Variants in UTRN observed in about 807,000 individuals in gnomAD.
The protein encoded by UTRN is utrophin.
In UTRN, 283 loss-of-function variants were observed where a neutral mutation model predicts 463.9. That is an observed-to-expected ratio of 0.61 (90% CI 0.55 to 0.67). UTRN has a LOEUF of 0.67. Ranked by LOEUF, UTRN falls within the 30% of genes least tolerant of loss-of-function variation. The pLI, the probability that UTRN is intolerant of heterozygous loss-of-function variation, is 0.00. For synonymous variants in UTRN, 1,442 were observed against 1,431.5 expected, an observed-to-expected ratio of 1.01 and a Z score of -0.17; for missense variants, 3,922 against 4,084.3, an observed-to-expected ratio of 0.96 and a Z score of 1.08.
chr6:144,790,026 G>A (rs1776628683), intron 62 of UTRN, among the ~76,000 whole-genome samples: 1 of 152,156 alleles, frequency 6.6e-6, no homozygotes, highest in Admixed American at 6.5e-5. Flanking sequence ...AGAGGTAATA[G>A]TATTCCAATT....
At chr6:144,325,256 T>A (rs1196937539) in intron 2 of UTRN, among the ~76,000 whole-genome samples, 1 of 152,160 alleles carries the variant, frequency 6.6e-6, no homozygotes, top group African/African-American at 2.4e-5. Context: ...AAATAGGTGA[T>A]TAGGTCATGA....
intron 54 of UTRN, among the ~76,000 whole-genome samples, chr6:144,735,097 T>C (rs1789225613): frequency 6.6e-6 from 1 of 152,348 alleles, no homozygotes; most frequent in Admixed American, 6.5e-5. Flanking sequence ...GTATAACGCA[T>C]GTTCCTGAGG....
At chr6:144,473,684 G>T (rs763255840) in intron 23 of UTRN, 36 bp from the exon 24 acceptor site, 3 of 1,574,648 alleles carry the variant, frequency 1.9e-6, no homozygotes, top group East Asian at 2.2e-5. Flanking sequence ...TGAACGTCAC[G>T]AAGTAATATC....
intron 58 of UTRN, among the ~76,000 whole-genome samples, chr6:144,762,288 T>C (rs1384702053): frequency 6.6e-6 from 1 of 152,128 alleles, no homozygotes; most frequent in African/African-American, 2.4e-5. Flanking sequence ...CTGGCCCCAA[T>C]ATTAGTTGAG....
chr6:144,532,117 A>G (rs923225015), intron 42 of UTRN, among the ~76,000 whole-genome samples: 2 of 152,108 alleles, frequency 1.3e-5, no homozygotes, highest in Non-Finnish European at 2.9e-5. Context: ...AGCCTGGGTG[A>G]CAGAGCAATA....
intron 34 of UTRN, among the ~76,000 whole-genome samples, chr6:144,508,885 A>G (rs556049778): frequency 1.3e-5 from 2 of 152,046 alleles, no homozygotes; most frequent in South Asian, 4.2e-4. Context: ...ATATATTCTT[A>G]TTTTCCTGTT....
chr6:144,461,072 C>T, intron 21 of UTRN, 125 bp from the exon 22 acceptor site: 1 of 700,670 alleles, frequency 1.4e-6, no homozygotes, highest in Non-Finnish European at 2.1e-6. Flanking sequence ...TTAACAGAGA[C>T]CCTTTTACAT....
chr6:144,657,416 C>T (rs1779433449), intron 51 of UTRN, among the ~76,000 whole-genome samples: 1 of 152,116 alleles, frequency 6.6e-6, no homozygotes, highest in African/African-American at 2.4e-5. Context: ...ACAAAGGCAA[C>T]AGTTTCTGGA....
At chr6:144,584,682 T>C (rs1187914146) in intron 51 of UTRN, among the ~76,000 whole-genome samples, 2 of 152,096 alleles carry the variant, frequency 1.3e-5, no homozygotes, top group Non-Finnish European at 2.9e-5. Context: ...GAAACTTTTT[T>C]TTTTTCCGGA....
At chr6:144,708,475 TC>T in intron 53 of UTRN, 1 of 568,608 alleles carries the variant, frequency 1.8e-6, no homozygotes, top group Non-Finnish European at 3.1e-6. Flanking sequence ...CACGCCTTCA[TC>T]CCCTCTGAGT....
chr6:144,696,185 A>G (rs1783984535), intron 52 of UTRN, among the ~76,000 whole-genome samples: 1 of 152,052 alleles, frequency 6.6e-6, no homozygotes, highest in African/African-American at 2.4e-5. Context: ...TTTCCTAACC[A>G]TATTGTGAAA....
intron 2 of UTRN, among the ~76,000 whole-genome samples, chr6:144,334,813 G>A (rs990366202): frequency 1.3e-5 from 2 of 152,178 alleles, no homozygotes; most frequent in Non-Finnish European, 2.9e-5. Context: ...CTGGCCCTGA[G>A]GTTTAAATCC....
rs1478462517 is a variant in UTRN at position 144,700,239 on chromosome 6, G to T, written c.7805G>T (p.Cys2602Phe). The change falls in exon 53 of 75, where the codon TGT becomes TTT. Residue 2602 changes from cysteine to phenylalanine, a missense_variant. By Grantham distance (205) the Cys-to-Phe change is radical. Coordinates refer to ENST00000367545, the MANE Select transcript of UTRN (RefSeq NM_007124.3). ...GCCTTACAGCTCCAGTATGACCATT[G>T]TAAGGTAAGTGGATAACCTATAGTG... is the stretch of plus-strand genomic sequence containing the variant. ...VPALQLQYDH[C>F]KALRRELKEK... is the part of the protein sequence containing the mutation. 6.2e-7 allele frequency: 1 copy of T among 1,611,496 alleles called. No homozygotes were observed. The highest frequency in any genetic ancestry group is 1.1e-5 in the South Asian group (1 of 90,856).
intron 51 of UTRN, among the ~76,000 whole-genome samples, chr6:144,588,493 A>G (rs940393438): frequency 6.6e-6 from 1 of 152,210 alleles, no homozygotes; most frequent in Non-Finnish European, 1.5e-5. Context: ...TATCATTATC[A>G]TTGGTGTATG....
At chr6:144,628,518 T>C (rs1776178988) in intron 51 of UTRN, among the ~76,000 whole-genome samples, 1 of 152,210 alleles carries the variant, frequency 6.6e-6, no homozygotes. Flanking sequence ...CCTACTGAGC[T>C]GTTTAAACTG....
rs188318516 is a variant in UTRN at position 144,636,350 on chromosome 6, A to C, written c.7480-42056A>C. On this transcript the variant is annotated intron_variant, in intron 51 of 74. Transcript: ENST00000367545. The stretch of plus-strand genomic sequence containing the variant: ...AGTGGGAGTTGAACAATGAGAACAC[A>C]TGGACACAGGGAGAGGAACATCACA... 1.0e-4 allele frequency among the ~76,000 whole-genome samples: 15 copies of C among 150,170 alleles called. No homozygotes were observed. In the East Asian group the frequency reaches 3.1e-3, roughly 31 times the overall value.
At chr6:144,298,400 T>C (rs905655159) in intron 2 of UTRN, among the ~76,000 whole-genome samples, 2 of 152,200 alleles carry the variant, frequency 1.3e-5, no homozygotes, top group African/African-American at 4.8e-5. Context: ...TTTCCAATCT[T>C]TGCATTTGTG....
chr6:144,470,449 G>C (rs569288973), intron 23 of UTRN, among the ~76,000 whole-genome samples: 4 of 151,178 alleles, frequency 2.6e-5, no homozygotes, highest in Middle Eastern at 3.2e-3. Context: ...GGGCAGAGGC[G>C]CTCCTCACAT....
At chr6:144,344,036 G>C in intron 2 of UTRN, 1 of 703,320 alleles carries the variant, frequency 1.4e-6, no homozygotes, top group Non-Finnish European at 1.9e-6. Context: ...CTGGTGTTTA[G>C]AGGAGGTGGG....
Sources: gnomAD v4.1 joint callset for allele counts (sites outside exome capture counted in the v4.1 genomes callset) on GRCh38, gnomAD v4.1.1 for gene constraint, MANE v1.5 for transcripts, NCBI Gene and HGNC (gene_info 2026-07-23, HGNC 2026-07-21) for gene names.